The following SGSM1 variants were observed in gnomAD, a reference collection of about 807,000 sequenced individuals.
SGSM1 encodes RUN and TBC1 domain containing 2.
SGSM1 carries 73 observed loss-of-function variants against 133.8 expected under a neutral mutation model. The ratio of observed to expected loss-of-function variants is 0.55; its 90% CI spans 0.45 to 0.66. SGSM1 has a LOEUF of 0.66. Among genes scored for constraint, SGSM1 ranks in the 30% least tolerant of loss-of-function variants. The probability of loss-of-function intolerance (pLI) is 0.00; values close to 1 mark genes in which losing one functional copy is unlikely to be tolerated. For missense variants in SGSM1, 1,213 were observed against 1,448.1 expected, an observed-to-expected ratio of 0.84 and a Z score of 2.64; for synonymous variants, 563 against 573.0, an observed-to-expected ratio of 0.98 and a Z score of 0.25.
chr22:24,842,535 C>T (rs1429458955), intron 2 of SGSM1, among the ~76,000 whole-genome samples: 1 of 152,128 alleles, frequency 6.6e-6, no homozygotes, highest in African/African-American at 2.4e-5. Context: ...ATACCATGTG[C>T]TGGAACTCAA....
At chr22:24,845,088 G>C in intron 3 of SGSM1, 116 bp downstream of exon 3, 1 of 907,056 alleles carries the variant, frequency 1.1e-6, no homozygotes, top group Non-Finnish European at 1.7e-6. Context: ...ATTCCAGAGG[G>C]GGACTCGATT....
At chr22:24,865,516 C>T (rs988121198) in intron 9 of SGSM1, among the ~76,000 whole-genome samples, 1 of 152,192 alleles carries the variant, frequency 6.6e-6, no homozygotes, top group African/African-American at 2.4e-5. Context: ...TTCTCTGAGC[C>T]TATCCCACTT....
At chr22:24,827,771 T>C (rs571170118) in intron 2 of SGSM1, among the ~76,000 whole-genome samples, 1 of 152,154 alleles carries the variant, frequency 6.6e-6, no homozygotes, top group South Asian at 2.1e-4. Flanking sequence ...CCACATGACG[T>C]TGGAAACTTG....
At position 24,854,953 on chromosome 22, in the gene SGSM1, T is replaced by C. The variant is rs1930681208; in HGVS notation, c.456-43T>C. The C allele has an allele frequency of 3.9e-6, 6 of 1,539,786 alleles. No individual in the cohort carries two copies. In the East Asian group the frequency reaches 1.4e-4, roughly 35 times the overall value. ...TCTCATCTGTGGATTGTGCGTCCTCTGCTGGTCTCCATCCAAACCTGCATA... is the reference window on the plus strand; with the variant it reads ...TCTCATCTGTGGATTGTGCGTCCTCCGCTGGTCTCCATCCAAACCTGCATA... On this transcript the variant is annotated intron_variant, in intron 5 of 24. Transcript: ENST00000400358.
At chr22:24,818,931 G>C (rs1928297225) in intron 2 of SGSM1, among the ~76,000 whole-genome samples, 1 of 151,900 alleles carries the variant, frequency 6.6e-6, no homozygotes, top group Non-Finnish European at 1.5e-5. Flanking sequence ...CGGATCATGA[G>C]GTCAGGAGAT....
chr22:24,891,454 G>C (rs1401298218), intron 16 of SGSM1, among the ~76,000 whole-genome samples: 1 of 152,194 alleles, frequency 6.6e-6, no homozygotes, highest in Non-Finnish European at 1.5e-5. Context: ...GGGGTAATCA[G>C]AAAAGTTGAA....
intron 22 of SGSM1, among the ~76,000 whole-genome samples, chr22:24,916,830 A>T (rs1933836706): frequency 6.6e-6 from 1 of 152,186 alleles, no homozygotes; most frequent in Non-Finnish European, 1.5e-5. Context: ...TATGAATAAC[A>T]CATTACACAC....
In SGSM1 at chr22:24,893,628, G is replaced by C; in HGVS notation, c.1953+15G>C. 6.5e-7 allele frequency: 1 copy of C among 1,543,946 alleles called. No individual in the cohort carries two copies. The highest frequency in any genetic ancestry group is 1.3e-5 in the South Asian group (1 of 78,990). ...TCAGCAATGAGGTGATGGGCGGCTG[G>C]CCTCGGGGAGCGCGGGGGCTGGGGA... On this transcript the variant is annotated intron_variant, in intron 17 of 24. Transcript: ENST00000400358.
chr22:24,822,088 CTTTTTT>C (rs71320790), intron 2 of SGSM1, among the ~76,000 whole-genome samples: 2 of 96,178 alleles, frequency 2.1e-5, no homozygotes, highest in South Asian at 3.9e-4. Flanking sequence ...TCATCTCTCT[CTTTTTT>C]TTTTTTTTTT....
At chr22:24,806,404 C>A (rs781524652) in intron 1 of SGSM1, 37 bp from the exon 2 acceptor site, 1 of 1,521,250 alleles carries the variant, frequency 6.6e-7, no homozygotes, top group Non-Finnish European at 8.8e-7. Flanking sequence ...CGCACCCTCT[C>A]TCGGCTGACC....
chr22:24,907,532 GTTT>G (rs869089540), intron 21 of SGSM1, among the ~76,000 whole-genome samples: 5 of 135,792 alleles, frequency 3.7e-5, no homozygotes, highest in Non-Finnish European at 6.4e-5. Flanking sequence ...TTTTGTTGTT[GTTT>G]TTTTTGGTTT....
intron 19 of SGSM1, among the ~76,000 whole-genome samples, chr22:24,899,592 G>C (rs921325818): frequency 6.7e-6 from 1 of 149,054 alleles, no homozygotes; most frequent in Non-Finnish European, 1.5e-5. Flanking sequence ...GCGTGATCTC[G>C]GCTCACTGCA....
chr22:24,908,108 C>G (rs2123726922), intron 21 of SGSM1, among the ~76,000 whole-genome samples: 1 of 152,120 alleles, frequency 6.6e-6, no homozygotes, highest in East Asian at 1.9e-4. Context: ...GACAATTCAA[C>G]TCAGTGAGGA....
In SGSM1 at chr22:24,886,721, G is replaced by A; in HGVS notation, c.1763G>A (p.Arg588Lys). 2.5e-6 allele frequency: 4 copies of A among 1,585,460 alleles called. No homozygotes were observed. Among genetic ancestry groups the A allele is most frequent in the Non-Finnish European group, 3.4e-6 (4 of 1,166,196 alleles). ...CAGTTCGGGATGACGGAAACAGAAA[G>A]GAAAGAGGTCGGTTACCTGCCATGG... Reference protein sequence around the residue: ...HYQFGMTETERKEVDEQIHAC... With the variant: ...HYQFGMTETEKKEVDEQIHAC... The change falls in exon 16 of 25, where the codon AGG (arginine) becomes AAG (lysine). Residue 588 changes from arginine to lysine, a missense_variant. By Grantham distance (26) the Arg-to-Lys change is conservative. Coordinates refer to ENST00000400358, the MANE Select transcript of SGSM1 (RefSeq NM_001098497.3).
At chr22:24,813,126 T>A (rs1483456278) in intron 2 of SGSM1, among the ~76,000 whole-genome samples, 1 of 152,080 alleles carries the variant, frequency 6.6e-6, no homozygotes, top group Non-Finnish European at 1.5e-5. Flanking sequence ...ACAGGAAGTG[T>A]GTGCCTGGCA....
At chr22:24,910,373 G>T (rs947301925) in intron 21 of SGSM1, among the ~76,000 whole-genome samples, 9 of 152,150 alleles carry the variant, frequency 5.9e-5, no homozygotes, top group African/African-American at 1.9e-4. Flanking sequence ...AAAAATGGGG[G>T]CTGGGTGCAA....
At chr22:24,901,684 T>G (rs993931103) in intron 19 of SGSM1, 149 bp from the exon 20 acceptor site, 2 of 841,106 alleles carry the variant, frequency 2.4e-6, no homozygotes. Flanking sequence ...ACAAACAAAA[T>G]CAAACACCTG....
chr22:24,886,372 G>A (rs1038310904), intron 15 of SGSM1, among the ~76,000 whole-genome samples: 1 of 148,462 alleles, frequency 6.7e-6, no homozygotes, highest in African/African-American at 2.5e-5. Context: ...CTGCACTACA[G>A]CCTGGGTGAC....
intron 9 of SGSM1, among the ~76,000 whole-genome samples, chr22:24,862,545 A>G (rs1004917199): frequency 1.3e-5 from 2 of 152,196 alleles, no homozygotes; most frequent in Non-Finnish European, 1.5e-5. Context: ...GTTGTAGTAC[A>G]TAGTAGGTGC....
Sources: allele counts gnomAD v4.1 joint callset (sites outside exome capture counted in the v4.1 genomes callset), GRCh38; gene constraint gnomAD v4.1.1; transcripts MANE v1.5; gene names NCBI Gene and HGNC (gene_info 2026-07-23, HGNC 2026-07-21).